L3MBTL2: variants seen among roughly 807,000 people sequenced by gnomAD.
L3MBTL2 encodes the protein lethal(3)malignant brain tumor-like protein 2.
Under a neutral mutation model 86.4 loss-of-function variants are expected in L3MBTL2, and 49 were observed. The ratio of observed to expected loss-of-function variants is 0.57; its 90% CI spans 0.45 to 0.72. The LOEUF (loss-of-function observed/expected upper bound fraction) is 0.72. L3MBTL2 is among the 30% of genes least tolerant of loss of function. The pLI is 0.00. For missense variants in L3MBTL2, 755 were observed against 923.7 expected (o/e 0.82, Z 2.37); for synonymous variants, 336 against 350.6 (o/e 0.96, Z 0.47).
At chr22:41,216,114 A>C (rs1260571527) in intron 3 of L3MBTL2, 25 bp from the exon 4 acceptor site, 1 of 1,602,832 alleles carries the variant, frequency 6.2e-7, no homozygotes, top group Admixed American at 1.7e-5. Context: ...GCCAGGCTAC[A>C]CATAGCCTCT....
chr22:41,208,964 A>G (rs542331323), intron 1 of L3MBTL2, among the ~76,000 whole-genome samples: 1 of 152,026 alleles, frequency 6.6e-6, no homozygotes, highest in South Asian at 2.1e-4. Flanking sequence ...GTTGGTCTTG[A>G]ACTCCTGACT....
rs2030114538 is a variant in L3MBTL2, at chr22:41,205,359, T to C, written c.-4T>C. 13 of 1,613,896 alleles carry C rather than the reference T, an allele frequency of 8.1e-6. No individual in the cohort carries two copies. Among genetic ancestry groups the C allele is most frequent in the Non-Finnish European group, 1.0e-5 (12 of 1,180,012 alleles). On this transcript the variant is annotated 5_prime_UTR_variant, in exon 1 of 17. Transcript: ENST00000216237. ...CTGGTGACGCTTGGCGAAACTGAGGTCTCATGGAGAAGCCCCGGAGTATTG... is the reference window on the plus strand; with the variant it reads ...CTGGTGACGCTTGGCGAAACTGAGGCCTCATGGAGAAGCCCCGGAGTATTG...
intron 1 of L3MBTL2, among the ~76,000 whole-genome samples, chr22:41,206,382 C>T (rs999229780): frequency 6.6e-6 from 1 of 152,112 alleles, no homozygotes; most frequent in South Asian, 2.1e-4. Flanking sequence ...TACTCACAGG[C>T]GTGATGACAA....
intron 8 of L3MBTL2, among the ~76,000 whole-genome samples, chr22:41,222,058 A>G (rs901141347): frequency 6.6e-6 from 1 of 151,596 alleles, no homozygotes; most frequent in African/African-American, 2.4e-5. Flanking sequence ...ACACACCACC[A>G]TACTTGGCTA....
At chr22:41,208,709 G>C (rs374686703) in intron 1 of L3MBTL2, among the ~76,000 whole-genome samples, 7 of 152,258 alleles carry the variant, frequency 4.6e-5, no homozygotes, top group African/African-American at 1.7e-4. Flanking sequence ...TTGTTTCTGA[G>C]TTGAGATCAT....
intron 4 of L3MBTL2, 158 bp from the exon 5 acceptor site, chr22:41,216,965 G>T (rs958948389): frequency 6.5e-6 from 4 of 611,072 alleles, no homozygotes; most frequent in African/African-American, 5.5e-5. Flanking sequence ...GGTGGATCAG[G>T]TATGGGAGTG....
intron 6 of L3MBTL2, 56 bp downstream of exon 6, chr22:41,219,592 A>G (rs1238227152): frequency 8.8e-7 from 1 of 1,136,744 alleles, no homozygotes; most frequent in Non-Finnish European, 1.3e-6. Flanking sequence ...ACATCTCTAG[A>G]TGGGTGAACA....
rs763278840 is a variant in L3MBTL2, at chr22:41,220,716, C to T, written c.719-18C>T. 5 of 1,601,976 alleles carry T rather than the reference C, an allele frequency of 3.1e-6. No homozygotes were observed. In the Admixed American group the frequency reaches 8.4e-5, roughly 27 times the overall value. ...CCAGCTCACCCTCCCTCACAGGTGC[C>T]CTTTCCTTTCCTTTCAGGGTATCGG... On this transcript the variant is annotated intron_variant, in intron 6 of 16. Transcript: ENST00000216237.
In L3MBTL2 at chr22:41,216,261, C is replaced by T. The variant is rs145875010; in HGVS notation, c.519C>T (p.Asp173=). 536 of 1,613,404 alleles carry T rather than the reference C, an allele frequency of 3.3e-4. No individual in the cohort carries two copies. The African/African-American group carries it at 4.4e-3, about 13-fold the overall frequency. ...QLADGTPTGQ[D]ALVLGFDWGK... ...CAGATGGGACACCAACAGGACAAGA[C>T]GGTAAGATAGCAGAGGGCCCTGCTT... Residue 173 remains aspartate, a splice_region_variant and synonymous_variant, in exon 4 of 17, where the codon GAC becomes GAT. Coordinates refer to ENST00000216237, the MANE Select transcript of L3MBTL2 (RefSeq NM_031488.5).
chr22:41,211,412 C>T (rs1271363071), intron 2 of L3MBTL2, among the ~76,000 whole-genome samples: 2 of 151,638 alleles, frequency 1.3e-5, no homozygotes, highest in African/African-American at 2.4e-5. Flanking sequence ...TGCCCTGTTA[C>T]CCAGGCTGGT....
chr22:41,205,563 C>G (rs1408809913), intron 1 of L3MBTL2, among the ~76,000 whole-genome samples, 177 bp downstream of exon 1: 1 of 152,122 alleles, frequency 6.6e-6, no homozygotes, highest in Non-Finnish European at 1.5e-5. Context: ...TTGCCCCTCT[C>G]CTGCTGGGGC....
Position 41,228,002 on chromosome 22 carries a change from G to A in L3MBTL2, c.1888+133G>A, listed in dbSNP as rs572993523. 21 of 1,437,432 alleles carry A rather than the reference G, an allele frequency of 1.5e-5. 1 individual carries two copies. In the Admixed American group the frequency reaches 3.8e-4, roughly 26 times the overall value. 89.0% of individuals were successfully genotyped at this position (1,437,432 alleles called of 1,614,324 possible). A position where few individuals can be genotyped will look rare whatever the true frequency, so the allele number is the denominator to read the frequency against. On this transcript the variant is annotated intron_variant, in intron 15 of 16. Transcript: ENST00000216237. Reference sequence around the variant, plus strand: ...GTCCTACTGACGTAGCTCTCTTCGTGTTCCTGTCCTGTCTCTTTCCCCTTG... The same window carrying A: ...GTCCTACTGACGTAGCTCTCTTCGTATTCCTGTCCTGTCTCTTTCCCCTTG...
At position 41,212,450 on chromosome 22, in the gene L3MBTL2, T is replaced by C. The variant is rs922416716; in HGVS notation, c.263-1443T>C. On this transcript the variant is annotated intron_variant, in intron 2 of 16. Transcript: ENST00000216237. ...TTCACTCTTGTTGCCCAGGCTGGAG[T>C]GCAGTGGTGCCATCTCAGCTCACTG... 2.1e-5 allele frequency among the ~76,000 whole-genome samples: 3 copies of C among 145,670 alleles called. No individual in the cohort carries two copies. The South Asian group carries it at 6.6e-4, about 32-fold the overall frequency.
At chr22:41,229,738 C>T (rs1327455231) in intron 16 of L3MBTL2, 82 bp downstream of exon 16, 6 of 1,609,432 alleles carry the variant, frequency 3.7e-6, no homozygotes, top group Non-Finnish European at 5.1e-6. Flanking sequence ...CACCTGGGCA[C>T]AGAAGAGTAG....
chr22:41,221,714 C>A (rs1305323855), intron 8 of L3MBTL2, among the ~76,000 whole-genome samples: 1 of 152,074 alleles, frequency 6.6e-6, no homozygotes, highest in Admixed American at 6.6e-5. Flanking sequence ...TCACGCCATT[C>A]TCCTGCCTCA....
intron 8 of L3MBTL2, among the ~76,000 whole-genome samples, chr22:41,221,854 C>T (rs1447674861): frequency 2.6e-5 from 4 of 151,918 alleles, no homozygotes; most frequent in East Asian, 1.9e-4. Flanking sequence ...CCATCTGCCT[C>T]GGCCTCCCAA....
chr22:41,230,949 G>T lies in L3MBTL2; in HGVS notation c.*698G>T, dbSNP rs986452120. On this transcript the variant is annotated 3_prime_UTR_variant, in exon 17 of 17. Coordinates refer to ENST00000216237, the MANE Select transcript of L3MBTL2 (RefSeq NM_031488.5). The stretch of plus-strand genomic sequence containing the variant: ...CCCATTTCCTAAAGGAAATGCCCCC[G>T]GGGAGGACATTGGGAGGAAGATGGC... The T allele has an allele frequency of 6.6e-6, 1 of 152,162 alleles. No individual in the cohort carries two copies. The highest frequency in any genetic ancestry group is 2.4e-5 in the African/African-American group (1 of 41,428). The allele number at this position is 152,162 out of a possible 1,614,324, so 9.4% of individuals were successfully genotyped here. A position where few individuals can be genotyped will look rare whatever the true frequency, so the allele number is the denominator to read the frequency against.
intron 5 of L3MBTL2, 117 bp from the exon 6 acceptor site, chr22:41,219,302 G>A (rs1249190592): frequency 1.3e-6 from 1 of 740,768 alleles, no homozygotes; most frequent in Non-Finnish European, 2.5e-6. Flanking sequence ...TCTGCACACA[G>A]TGGGTGATGT....
Position 41,224,308 on chromosome 22 carries a change from G to A in L3MBTL2, c.1174+57G>A. 3 of 1,403,904 alleles carry A rather than the reference G, an allele frequency of 2.1e-6. No homozygotes were observed. The highest frequency in any genetic ancestry group is 2.4e-5 in the South Asian group (2 of 82,042). 87.0% of individuals were successfully genotyped at this position (1,403,904 alleles called of 1,614,324 possible). A position where few individuals can be genotyped will look rare whatever the true frequency, so the allele number is the denominator to read the frequency against. On this transcript the variant is annotated intron_variant, in intron 9 of 16. Transcript: ENST00000216237. This position sits in a 1 kb window ranked among gnomAD's most constrained non-coding sequence, Gnocchi z 4.9. ...TGCTGTGCTTCCCCAGGGACGGAGTGGGAGCACCTTCCTACTCGTCACAGC... is the reference window on the plus strand; with the variant it reads ...TGCTGTGCTTCCCCAGGGACGGAGTAGGAGCACCTTCCTACTCGTCACAGC...
Sources: gnomAD v4.1 joint callset for allele counts (sites outside exome capture counted in the v4.1 genomes callset) on GRCh38, gnomAD v4.1.1 for gene constraint, Gnocchi (gnomAD v3.1) non-coding constraint, MANE v1.5 for transcripts, NCBI Gene and HGNC (gene_info 2026-07-23, HGNC 2026-07-21) for gene names.